Variants in TANC2 observed in about 807,000 individuals in gnomAD.
TANC2 encodes the protein protein TANC2.
In TANC2, 26 loss-of-function variants were observed where a neutral mutation model predicts 210.5. The ratio of observed to expected loss-of-function variants is 0.12; its 90% CI spans 0.09 to 0.17. TANC2 has a LOEUF of 0.17. Among genes scored for constraint, TANC2 ranks in the 10% least tolerant of loss-of-function variants. TANC2 has a pLI of 1.00. For synonymous variants in TANC2, 931 were observed against 967.1 expected, an observed-to-expected ratio of 0.96 and a Z score of 0.69; for missense variants, 2,129 against 2,608.9, an observed-to-expected ratio of 0.82 and a Z score of 4.01.
Position 62,966,333 on chromosome 17 carries a change from CG to C in TANC2, c.-435del, listed in dbSNP as rs1321877664. Reference sequence around the variant, plus strand: ...CGCCTCGCGCGAGCCGCCCGCCCGGCGGGGGAAGCTGCGAGCGCTCCGAGCG... The same window carrying C: ...CGCCTCGCGCGAGCCGCCCGCCCGGCGGGGAAGCTGCGAGCGCTCCGAGCG... On this transcript the variant is annotated 5_prime_UTR_variant, in exon 1 of 28. Transcript: ENST00000689528. The surrounding 1 kb of genome is among the most constrained non-coding windows in gnomAD (Gnocchi z 5.1). 1.4e-5 allele frequency among the ~76,000 whole-genome samples: 2 copies of C among 146,592 alleles called. No homozygotes were observed. The highest frequency in any genetic ancestry group is 2.1e-4 in the South Asian group (1 of 4,812).
At chr17:63,204,190 C>T (rs1172396361) in intron 7 of TANC2, among the ~76,000 whole-genome samples, 2 of 150,942 alleles carry the variant, frequency 1.3e-5, no homozygotes, top group Non-Finnish European at 1.5e-5. Context: ...TTTGTATATC[C>T]TAAAGATGAA....
chr17:63,242,461 T>C (rs962882539), intron 8 of TANC2, among the ~76,000 whole-genome samples: 6 of 152,158 alleles, frequency 3.9e-5, no homozygotes, highest in African/African-American at 1.4e-4. Flanking sequence ...ATCCTCTGTA[T>C]CTGTGGTTCC....
chr17:63,185,063 T>C (rs2040932109), intron 5 of TANC2, among the ~76,000 whole-genome samples: 1 of 151,722 alleles, frequency 6.6e-6, no homozygotes, highest in African/African-American at 2.4e-5. Flanking sequence ...GGTGCAATCA[T>C]GTTTCATTGC....
chr17:63,173,030 G>A (rs1349584281), intron 5 of TANC2, among the ~76,000 whole-genome samples: 4 of 152,136 alleles, frequency 2.6e-5, no homozygotes, highest in Non-Finnish European at 4.4e-5. Flanking sequence ...AGGAAGGTGC[G>A]TAAAACTTTA....
intron 9 of TANC2, among the ~76,000 whole-genome samples, chr17:63,313,744 C>G (rs1293628159): frequency 6.6e-6 from 1 of 152,090 alleles, no homozygotes; most frequent in Non-Finnish European, 1.5e-5. Flanking sequence ...ATAATACCTA[C>G]TAGATTTTAA....
chr17:63,005,370 T>C lies in TANC2; in HGVS notation c.-23-4167T>C, dbSNP rs546753676. On this transcript the variant is annotated intron_variant, in intron 1 of 27. Coordinates refer to ENST00000689528, the Ensembl canonical transcript of TANC2. Reference sequence around the variant, plus strand: ...CTGTAGAGTAAATTTTGAATTCAGGTGGTATAAATGCCCAAGCCTTTTTGT... The same window carrying C: ...CTGTAGAGTAAATTTTGAATTCAGGCGGTATAAATGCCCAAGCCTTTTTGT... 2.2e-4 allele frequency among the ~76,000 whole-genome samples: 33 copies of C among 152,222 alleles called. No homozygotes were observed. In the South Asian group the frequency reaches 6.8e-3, roughly 32 times the overall value.
chr17:63,107,710 A>C (rs2037880027), intron 4 of TANC2, among the ~76,000 whole-genome samples: 1 of 151,794 alleles, frequency 6.6e-6, no homozygotes. Context: ...GAAACCAGTC[A>C]CAAAAGAACA....
chr17:63,369,420 A>T (rs1173461916), intron 14 of TANC2, among the ~76,000 whole-genome samples: 1 of 152,166 alleles, frequency 6.6e-6, no homozygotes, highest in East Asian at 1.9e-4. Flanking sequence ...TGGAATAGAC[A>T]GGCTTTTATA....
intron 9 of TANC2, among the ~76,000 whole-genome samples, chr17:63,313,049 C>T (rs1159640328): frequency 6.6e-6 from 1 of 152,132 alleles, no homozygotes; most frequent in Non-Finnish European, 1.5e-5. Context: ...CTCTGTATCC[C>T]ACCTTGTGGT....
chr17:63,159,134 G>C (rs75033301), intron 5 of TANC2, among the ~76,000 whole-genome samples: 239 of 152,144 alleles, frequency 1.6e-3, no homozygotes, highest in Middle Eastern at 0.01. Context: ...ATCACTTTTT[G>C]CCATATTCTC....
chr17:63,402,232 G>A (rs1599042428), intron 19 of TANC2, among the ~76,000 whole-genome samples: 1 of 151,996 alleles, frequency 6.6e-6, no homozygotes, highest in East Asian at 1.9e-4. Flanking sequence ...TAAATCTCCT[G>A]TTCATCTTTC....
intron 14 of TANC2, among the ~76,000 whole-genome samples, chr17:63,368,727 A>G (rs548541661): frequency 2.6e-5 from 4 of 152,334 alleles, no homozygotes; most frequent in East Asian, 1.9e-4. Context: ...CAGAAGTCCA[A>G]TTCCCATAAG....
rs1351703109 is a variant in TANC2, at chr17:63,239,120, C to G, written c.1033+1043C>G. On this transcript the variant is annotated intron_variant, in intron 8 of 27. Coordinates refer to ENST00000689528, the Ensembl canonical transcript of TANC2. Reference sequence around the variant, plus strand: ...CTTGAGGCCAAGAGTTTAAGACCAGCCTGCGCAACATAGTGAGACCTTGTC... The same window carrying G: ...CTTGAGGCCAAGAGTTTAAGACCAGGCTGCGCAACATAGTGAGACCTTGTC... 3.3e-5 allele frequency among the ~76,000 whole-genome samples: 5 copies of G among 150,736 alleles called. No individual in the cohort carries two copies. In the East Asian group the frequency reaches 9.7e-4, roughly 29 times the overall value.
At chr17:63,164,001 T>C (rs558085934) in intron 5 of TANC2, among the ~76,000 whole-genome samples, 1 of 152,242 alleles carries the variant, frequency 6.6e-6, no homozygotes, top group East Asian at 1.9e-4. Context: ...ATAGTAGTAG[T>C]AGGGAAAGAT....
At chr17:63,033,066 TGAA>T (rs2034836139) in intron 2 of TANC2, among the ~76,000 whole-genome samples, 1 of 152,194 alleles carries the variant, frequency 6.6e-6, no homozygotes, top group African/African-American at 2.4e-5. Flanking sequence ...AACAGCCAGA[TGAA>T]GAAGTACATA....
chr17:62,976,357 C>A (rs950225843), intron 1 of TANC2, among the ~76,000 whole-genome samples: 10 of 152,034 alleles, frequency 6.6e-5, no homozygotes, highest in African/African-American at 2.4e-4. Context: ...CCCCTACCCC[C>A]AGCCAGTGCC....
intron 4 of TANC2, among the ~76,000 whole-genome samples, chr17:63,122,650 G>A (rs1415788999): frequency 5.9e-5 from 9 of 152,044 alleles, no homozygotes; most frequent in Admixed American, 5.9e-4. Flanking sequence ...AGAATCACTT[G>A]AAACCTGGGA....
intron 8 of TANC2, among the ~76,000 whole-genome samples, chr17:63,241,484 T>G (rs1005135768): frequency 6.6e-5 from 10 of 152,166 alleles, no homozygotes; most frequent in African/African-American, 2.4e-4. Flanking sequence ...CACACTCTAT[T>G]TTTGTAAATA....
At position 63,218,983 on chromosome 17, in the gene TANC2, C is replaced by CA. The variant is rs796690279; in HGVS notation, c.769+18034dup. Among the ~76,000 whole-genome samples the CA allele has an allele frequency of 1.3e-3, 191 of 151,194 alleles. 1 individual carries two copies. Among genetic ancestry groups the CA allele is most frequent in the African/African-American group, 4.2e-3 (172 of 41,182 alleles). ...GTATTGTATTTCTCTGTACCAGCAA[C>CA]AAAAAAAATGGAAATTGAAATAAAA... is the stretch of plus-strand genomic sequence containing the variant. On this transcript the variant is annotated intron_variant, in intron 7 of 27. Coordinates refer to ENST00000689528, the Ensembl canonical transcript of TANC2.
Sources: allele counts gnomAD v4.1 joint callset (sites outside exome capture counted in the v4.1 genomes callset), GRCh38; gene constraint gnomAD v4.1.1; non-coding constraint Gnocchi (gnomAD v3.1); transcripts MANE v1.5; gene names NCBI Gene and HGNC (gene_info 2026-07-23, HGNC 2026-07-21).